The following PREX1 variants were observed in gnomAD, a reference collection of about 807,000 sequenced individuals.
PREX1 encodes the protein phosphatidylinositol 3,4,5-trisphosphate-dependent Rac exchanger 1 protein.
In PREX1, 41 loss-of-function variants were observed where a neutral mutation model predicts 198.3. The observed-to-expected ratio is 0.21, with a 90% CI of 0.16 to 0.27. The LOEUF (loss-of-function observed/expected upper bound fraction) is 0.27, where lower values mean the gene tolerates loss of function less well. Among genes scored for constraint, PREX1 ranks in the 10% least tolerant of loss-of-function variants. The pLI is 1.00. For missense variants in PREX1, 1,620 were observed against 2,200.7 expected (o/e 0.74, Z 5.28); for synonymous variants, 843 against 887.2 (o/e 0.95, Z 0.89).
At position 48,656,371 on chromosome 20, in the gene PREX1, T is replaced by G. The variant is rs574229463; in HGVS notation, c.2123+669A>C. ...TGAGCTCCACTTGCAGCCACAGGAC[T>G]TCGATCAGAAGCTTCCAGTGGCTCC... is the stretch of plus-strand genomic sequence containing the variant. On this transcript the variant is annotated intron_variant, in intron 18 of 39. Transcript: ENST00000371941. 1.9e-5 allele frequency: 8 copies of G among 427,462 alleles called. No homozygotes were observed. The East Asian group carries it at 4.4e-4, about 24-fold the overall frequency. The allele number at this position is 427,462 out of a possible 1,614,324, so 26.5% of individuals were successfully genotyped here.
At chr20:48,705,237 C>T (rs1303485413) in intron 6 of PREX1, among the ~76,000 whole-genome samples, 1 of 152,220 alleles carries the variant, frequency 6.6e-6, no homozygotes, top group Non-Finnish European at 1.5e-5. Flanking sequence ...CACTCACTTG[C>T]AAGGTATTGT....
chr20:48,704,320 G>A (rs1406594910), intron 6 of PREX1, among the ~76,000 whole-genome samples: 3 of 152,348 alleles, frequency 2.0e-5, no homozygotes, highest in African/African-American at 4.8e-5. Flanking sequence ...GAGTCTCCAA[G>A]GGGAGAGACC....
chr20:48,767,113 C>T (rs2090212098), intron 1 of PREX1, among the ~76,000 whole-genome samples: 1 of 152,190 alleles, frequency 6.6e-6, no homozygotes, highest in African/African-American at 2.4e-5. Context: ...TCTGTTCCCT[C>T]GTCCGCGAAA....
intron 1 of PREX1, among the ~76,000 whole-genome samples, chr20:48,801,591 G>T (rs534923458): frequency 6.6e-6 from 1 of 152,242 alleles, no homozygotes; most frequent in East Asian, 1.9e-4. Context: ...GCATCCAGTC[G>T]CTCCTCTCCT....
At chr20:48,797,658 C>T (rs375071431) in intron 1 of PREX1, among the ~76,000 whole-genome samples, 8 of 152,332 alleles carry the variant, frequency 5.3e-5, no homozygotes, top group African/African-American at 1.9e-4. Context: ...CCGCTTGTCA[C>T]CTTCCTCAAA....
chr20:48,634,353 C>T (rs1250524391), intron 33 of PREX1, among the ~76,000 whole-genome samples: 2 of 152,126 alleles, frequency 1.3e-5, no homozygotes, highest in Non-Finnish European at 2.9e-5. Context: ...AATTATGGTA[C>T]TTATTTAAGC....
At chr20:48,651,701 G>A (rs1568803669) in intron 21 of PREX1, 118 bp from the exon 22 acceptor site, 4 of 944,502 alleles carry the variant, frequency 4.2e-6, no homozygotes, top group Non-Finnish European at 6.2e-6. Flanking sequence ...AAAGGCCCCA[G>A]GGCAGGAGTA....
upstream of PREX1, among the ~76,000 whole-genome samples, chr20:48,831,719 G>T (rs1189580985): frequency 6.6e-6 from 1 of 152,164 alleles, no homozygotes; most frequent in Non-Finnish European, 1.5e-5. Context: ...CTTCTCTAAG[G>T]CCTGCAAGGG....
chr20:48,814,666 G>A (rs1325768713), intron 1 of PREX1, among the ~76,000 whole-genome samples: 2 of 152,186 alleles, frequency 1.3e-5, no homozygotes, highest in African/African-American at 2.4e-5. Context: ...ATCATAAGGA[G>A]CTGGGATTCG....
chr20:48,704,595 G>C (rs535658294), intron 6 of PREX1, among the ~76,000 whole-genome samples: 1 of 149,590 alleles, frequency 6.7e-6, no homozygotes, highest in Non-Finnish European at 1.5e-5. Context: ...GTCTAGCTCT[G>C]TCGACCAGGC....
rs529254668 is a variant in PREX1 at position 48,742,689 on chromosome 20, G to A, written c.414+2336C>T. On this transcript the variant is annotated intron_variant, in intron 3 of 39. Coordinates refer to ENST00000371941, the MANE Select transcript of PREX1 (RefSeq NM_020820.4). ...TCCCAGGTAGCAGAAGAGAGGACAC[G>A]GAAAAGAGGTTGCTTCATGCACACT... 6.8e-4 allele frequency among the ~76,000 whole-genome samples: 103 copies of A among 152,266 alleles called. No individual in the cohort carries two copies. In the South Asian group the frequency reaches 0.013, roughly 19 times the overall value.
intron 3 of PREX1, among the ~76,000 whole-genome samples, chr20:48,739,187 G>A (rs2090070322): frequency 6.6e-6 from 1 of 152,036 alleles, no homozygotes; most frequent in Admixed American, 6.5e-5. Flanking sequence ...TCTCTCAAAT[G>A]AGCTAAGCTT....
chr20:48,719,632 T>A (rs1403871626), intron 5 of PREX1, among the ~76,000 whole-genome samples: 2 of 152,080 alleles, frequency 1.3e-5, no homozygotes, highest in Non-Finnish European at 2.9e-5. Flanking sequence ...GTATCCAGAA[T>A]AATAGAAGGA....
Position 48,692,575 on chromosome 20 carries a change from T to C in PREX1, c.1036+97A>G, listed in dbSNP as rs1443865937. The C allele has an allele frequency of 5.2e-5, 53 of 1,019,926 alleles. No homozygotes were observed. The East Asian group carries it at 1.3e-3, about 25-fold the overall frequency. 63.2% of individuals were successfully genotyped at this position (1,019,926 alleles called of 1,614,324 possible). On this transcript the variant is annotated intron_variant, in intron 8 of 39. Transcript: ENST00000371941. ...TTTTCTGTAGGTAGATTACATCTCA[T>C]GATAAAAGAAAAAAATATATTTAAA...
intron 1 of PREX1, among the ~76,000 whole-genome samples, chr20:48,759,865 G>A (rs2122834629): frequency 6.6e-6 from 1 of 152,208 alleles, no homozygotes; most frequent in South Asian, 2.1e-4. Context: ...AACACTGTGG[G>A]AGGCCGAGGC....
At chr20:48,775,386 T>C (rs1288793763) in intron 1 of PREX1, among the ~76,000 whole-genome samples, 2 of 151,912 alleles carry the variant, frequency 1.3e-5, no homozygotes, top group African/African-American at 4.8e-5. Flanking sequence ...TAAGAACACG[T>C]CCAGCTGAGA....
At chr20:48,662,010 G>A (rs777488389) in intron 15 of PREX1, among the ~76,000 whole-genome samples, 35 of 152,186 alleles carry the variant, frequency 2.3e-4, no homozygotes, top group Non-Finnish European at 4.6e-4. Context: ...CATCCCCCTC[G>A]TCCCTGAAGA....
At chr20:48,721,283 G>T (rs111918050) in intron 5 of PREX1, among the ~76,000 whole-genome samples, 1 of 152,176 alleles carries the variant, frequency 6.6e-6, no homozygotes, top group African/African-American at 2.4e-5. Context: ...AAGCGTCCCA[G>T]GACAGAATGT....
At chr20:48,630,581 T>G in intron 36 of PREX1, 147 bp downstream of exon 36, 4 of 630,388 alleles carry the variant, frequency 6.3e-6, no homozygotes, top group Non-Finnish European at 5.4e-6. Context: ...CATGGGAGAC[T>G]TCCTGGAGGA....
Sources: gnomAD v4.1 joint callset for allele counts (sites outside exome capture counted in the v4.1 genomes callset) on GRCh38, gnomAD v4.1.1 for gene constraint, MANE v1.5 for transcripts, NCBI Gene and HGNC (gene_info 2026-07-23, HGNC 2026-07-21) for gene names.